Variants in PPP1R1C observed in about 807,000 individuals in gnomAD.
PPP1R1C encodes the protein protein phosphatase 1 regulatory inhibitor subunit 1C.
Under a neutral mutation model 17.4 loss-of-function variants are expected in PPP1R1C, and 15 were observed. That is an observed-to-expected ratio of 0.86 (90% CI 0.58 to 1.33). The LOEUF (loss-of-function observed/expected upper bound fraction) is 1.33, where lower values mean the gene tolerates loss of function less well. Ranked by LOEUF, PPP1R1C falls within the 40% of genes most tolerant of loss-of-function variation. PPP1R1C has a pLI of 0.00. For missense variants in PPP1R1C, 143 were observed against 130.0 expected, an observed-to-expected ratio of 1.10 and a Z score of -0.48; for synonymous variants, 35 against 43.1, an observed-to-expected ratio of 0.81 and a Z score of 0.73.
At chr2:181,970,956 T>C (rs1013460125) in intron 1 of PPP1R1C, among the ~76,000 whole-genome samples, 1 of 151,836 alleles carries the variant, frequency 6.6e-6, no homozygotes, top group Admixed American at 6.6e-5. Context: ...GCCTGGGCTG[T>C]CCCTTCAGGC....
At chr2:182,128,580 C>T (rs1164980029) in intron 5 of PPP1R1C, among the ~76,000 whole-genome samples, 1 of 152,080 alleles carries the variant, frequency 6.6e-6, no homozygotes, top group Non-Finnish European at 1.5e-5. Flanking sequence ...GCTTGTATGA[C>T]AGCCAACGGA....
At chr2:181,979,470 C>T (rs1012659547) in intron 2 of PPP1R1C, among the ~76,000 whole-genome samples, 3 of 152,188 alleles carry the variant, frequency 2.0e-5, no homozygotes, top group African/African-American at 7.2e-5. Context: ...TCTACTTCTA[C>T]ATGGGCACCA....
chr2:181,954,579 C>A (rs1684639832), exon 1 of PPP1R1C: 1 of 152,000 alleles, frequency 6.6e-6, no homozygotes, highest in South Asian at 2.1e-4. Context: ...ACTTCAGAAA[C>A]CTCTGATATC....
At chr2:182,044,550 A>G (rs1378649029) in intron 2 of PPP1R1C, among the ~76,000 whole-genome samples, 1 of 152,204 alleles carries the variant, frequency 6.6e-6, no homozygotes, top group Non-Finnish European at 1.5e-5. Flanking sequence ...CAGCAAGCTT[A>G]TAAAGATTTA....
chr2:182,125,682 G>A (rs1689856689), intron 5 of PPP1R1C, among the ~76,000 whole-genome samples: 1 of 152,070 alleles, frequency 6.6e-6, no homozygotes, highest in Non-Finnish European at 1.5e-5. Flanking sequence ...GTTTATTTGT[G>A]TAGAGATGTT....
At chr2:182,040,012 C>A (rs1359906838) in intron 2 of PPP1R1C, among the ~76,000 whole-genome samples, 1 of 152,182 alleles carries the variant, frequency 6.6e-6, no homozygotes, top group African/African-American at 2.4e-5. Flanking sequence ...GAGTAGTATT[C>A]CATGGTGTAT....
upstream of PPP1R1C, among the ~76,000 whole-genome samples, chr2:181,985,069 T>C (rs547407227): frequency 2.0e-5 from 3 of 152,348 alleles, no homozygotes; most frequent in African/African-American, 7.2e-5. The surrounding 1 kb of genome is among the most constrained non-coding windows in gnomAD (Gnocchi z 4.1). Context: ...CAAGCCATAA[T>C]GTTGACTACC....
chr2:182,109,095 T>G (rs1470775517), intron 4 of PPP1R1C, among the ~76,000 whole-genome samples: 5 of 152,240 alleles, frequency 3.3e-5, no homozygotes, highest in Non-Finnish European at 5.9e-5. Context: ...CAGTTCTTAA[T>G]GAAAGATGAT....
upstream of PPP1R1C, among the ~76,000 whole-genome samples, chr2:181,983,946 T>C (rs1042385699): frequency 6.6e-6 from 1 of 152,154 alleles, no homozygotes; most frequent in Non-Finnish European, 1.5e-5. Context: ...ATTTACAATA[T>C]TGTCTCTGAT....
At chr2:182,024,039 G>C (rs1256501246) in intron 2 of PPP1R1C, 3 of 152,096 alleles carry the variant, frequency 2.0e-5, no homozygotes, top group Non-Finnish European at 4.4e-5. Flanking sequence ...ATATCCACAT[G>C]ATTTTAAAGG....
intron 4 of PPP1R1C, among the ~76,000 whole-genome samples, chr2:182,080,228 G>A (rs934362982): frequency 2.6e-5 from 4 of 152,204 alleles, no homozygotes; most frequent in Middle Eastern, 3.4e-3. Flanking sequence ...ATATCTTCTC[G>A]ACAGCACATC....
intron 2 of PPP1R1C, among the ~76,000 whole-genome samples, chr2:181,999,052 G>A (rs1169304096): frequency 6.6e-6 from 1 of 152,160 alleles, no homozygotes; most frequent in Non-Finnish European, 1.5e-5. Context: ...GTCTGGAGAT[G>A]TCTGCAAATA....
intron 2 of PPP1R1C, among the ~76,000 whole-genome samples, chr2:182,021,985 C>G (rs1413135583): frequency 2.0e-5 from 3 of 152,144 alleles, no homozygotes; most frequent in Non-Finnish European, 4.4e-5. Context: ...GGGCTACAAT[C>G]AGAGTTAAAA....
intron 4 of PPP1R1C, chr2:182,103,784 G>T (rs1559094314): frequency 6.6e-6 from 1 of 152,260 alleles, no homozygotes; most frequent in Non-Finnish European, 1.5e-5. Context: ...CCAGCAAGCT[G>T]AGTAATGAGA....
intron 2 of PPP1R1C, among the ~76,000 whole-genome samples, chr2:182,050,715 G>A (rs1362951357): frequency 6.6e-6 from 1 of 152,122 alleles, no homozygotes; most frequent in African/African-American, 2.4e-5. Context: ...CTGTTCACCT[G>A]TCATCCACAA....
intron 2 of PPP1R1C, among the ~76,000 whole-genome samples, chr2:182,002,189 A>G (rs535393905): frequency 1.1e-5 from 1 of 88,970 alleles, no homozygotes; most frequent in Admixed American, 9.2e-5. Context: ...ACTTTCCATC[A>G]AGGTATTTTT....
At chr2:182,128,193 T>C (rs1214448721) in intron 5 of PPP1R1C, among the ~76,000 whole-genome samples, 1 of 152,118 alleles carries the variant, frequency 6.6e-6, no homozygotes, top group African/African-American at 2.4e-5. Context: ...GTGTATATTT[T>C]AGTGTTTGAA....
At chr2:182,064,048 AT>A (rs1396122954) in intron 4 of PPP1R1C, 146 of 425,282 alleles carry the variant, frequency 3.4e-4, no homozygotes, top group East Asian at 6.2e-4. Flanking sequence ...AATGACAAAG[AT>A]TTTTTTTTAC....
At chr2:182,072,399 T>G (rs1168327690) in intron 4 of PPP1R1C, among the ~76,000 whole-genome samples, 1 of 152,228 alleles carries the variant, frequency 6.6e-6, no homozygotes, top group Non-Finnish European at 1.5e-5. Flanking sequence ...TTATAATACC[T>G]TACAGTTGTG....
Sources: allele counts gnomAD v4.1 joint callset (sites outside exome capture counted in the v4.1 genomes callset), GRCh38; gene constraint gnomAD v4.1.1; non-coding constraint Gnocchi (gnomAD v3.1); transcripts MANE v1.5; gene names NCBI Gene and HGNC (gene_info 2026-07-23, HGNC 2026-07-21).